MAGI1: variants seen among roughly 807,000 people sequenced by gnomAD.
The protein encoded by MAGI1 is membrane-associated guanylate kinase, WW and PDZ domain-containing protein 1.
In MAGI1, 58 loss-of-function variants were observed where a neutral mutation model predicts 139.9. The ratio of observed to expected loss-of-function variants is 0.41; its 90% CI spans 0.34 to 0.52. MAGI1 has a LOEUF of 0.52. Ranked by LOEUF, MAGI1 falls within the 20% of genes least tolerant of loss-of-function variation. MAGI1 has a pLI of 0.12. For synonymous variants in MAGI1, 812 were observed against 737.9 expected (o/e 1.10, Z -1.63); for missense variants, 1,874 against 1,901.6 (o/e 0.99, Z 0.27).
At chr3:65,755,738 TA>T (rs998933950) in intron 1 of MAGI1, among the ~76,000 whole-genome samples, 2 of 151,996 alleles carry the variant, frequency 1.3e-5, no homozygotes, top group Non-Finnish European at 2.9e-5. Flanking sequence ...TGAGTAAGCC[TA>T]AAAAAAATTC....
At chr3:66,006,974 G>A (rs1459944037) in intron 1 of MAGI1, among the ~76,000 whole-genome samples, 1 of 151,776 alleles carries the variant, frequency 6.6e-6, no homozygotes, top group African/African-American at 2.4e-5. Context: ...AGAACTACAG[G>A]TGCATGTCAC....
intron 1 of MAGI1, among the ~76,000 whole-genome samples, chr3:65,730,206 AT>A (rs151234017): frequency 0.14 from 21,148 of 152,194 alleles, 1,674 homozygotes; most frequent in Non-Finnish European, 0.18. Flanking sequence ...GAATCTTTGC[AT>A]TAAGAGTAGC....
intron 1 of MAGI1, among the ~76,000 whole-genome samples, chr3:65,660,788 T>C (rs2086148824): frequency 6.6e-6 from 1 of 152,228 alleles, no homozygotes; most frequent in South Asian, 2.1e-4. Context: ...CCATCATCTC[T>C]ATGGGAGGCC....
At chr3:65,363,905 C>T (rs1195475491) in intron 20 of MAGI1, among the ~76,000 whole-genome samples, 2 of 152,138 alleles carry the variant, frequency 1.3e-5, no homozygotes, top group East Asian at 1.9e-4. Context: ...TACCAGCCAC[C>T]TGGCTGCTGG....
chr3:65,840,979 A>G (rs2058783622), intron 1 of MAGI1, among the ~76,000 whole-genome samples: 1 of 152,186 alleles, frequency 6.6e-6, no homozygotes, highest in African/African-American at 2.4e-5. Flanking sequence ...AGCTATTCAA[A>G]TTATCCATTT....
intron 1 of MAGI1, among the ~76,000 whole-genome samples, chr3:65,965,726 T>C (rs1031206820): frequency 2.0e-5 from 3 of 152,056 alleles, no homozygotes; most frequent in Non-Finnish European, 4.4e-5. Flanking sequence ...TCGCCCAGCC[T>C]GGAGTGCAGT....
intron 1 of MAGI1, among the ~76,000 whole-genome samples, chr3:65,682,701 A>G (rs1436719278): frequency 2.6e-5 from 4 of 152,198 alleles, no homozygotes; most frequent in Non-Finnish European, 5.9e-5. Context: ...GTTACTAGGC[A>G]TGACACCAAA....
chr3:65,940,302 T>C (rs1477982975), intron 1 of MAGI1, among the ~76,000 whole-genome samples: 1 of 152,228 alleles, frequency 6.6e-6, no homozygotes, highest in East Asian at 1.9e-4. Flanking sequence ...CATGTTGCTA[T>C]AACGAAATAT....
At chr3:65,903,493 A>G (rs2061320841) in intron 1 of MAGI1, among the ~76,000 whole-genome samples, 1 of 152,146 alleles carries the variant, frequency 6.6e-6, no homozygotes, top group African/African-American at 2.4e-5. Flanking sequence ...CTGACACACA[A>G]AGAGCACTCA....
intron 1 of MAGI1, among the ~76,000 whole-genome samples, chr3:65,711,942 G>C (rs751207888): frequency 6.6e-5 from 10 of 152,054 alleles, no homozygotes; most frequent in Non-Finnish European, 1.0e-4. Flanking sequence ...ATCTCCTTCA[G>C]AACCCTTACC....
At chr3:65,860,931 C>T (rs1323041629) in intron 1 of MAGI1, among the ~76,000 whole-genome samples, 1 of 152,078 alleles carries the variant, frequency 6.6e-6, no homozygotes, top group Non-Finnish European at 1.5e-5. Context: ...AATACCATTT[C>T]AAAGTAACAA....
chr3:65,508,144 C>A (rs539794516), intron 2 of MAGI1, among the ~76,000 whole-genome samples: 14 of 152,210 alleles, frequency 9.2e-5, no homozygotes, highest in Non-Finnish European at 1.3e-4. Context: ...TGGCTCACGC[C>A]TGTAATCCCA....
chr3:65,918,390 T>TTTC (rs2062010757), intron 1 of MAGI1, among the ~76,000 whole-genome samples: 1 of 150,162 alleles, frequency 6.7e-6, no homozygotes, highest in Non-Finnish European at 1.5e-5. Context: ...TTTTTTTTTT[T>TTTC]TTTTTTTGTG....
At chr3:65,629,362 T>C (rs1343462655) in intron 1 of MAGI1, among the ~76,000 whole-genome samples, 2 of 152,216 alleles carry the variant, frequency 1.3e-5, no homozygotes, top group African/African-American at 4.8e-5. Context: ...TGGTATTTCA[T>C]TACAATTAGA....
At chr3:65,869,882 A>G (rs2059878299) in intron 1 of MAGI1, among the ~76,000 whole-genome samples, 1 of 152,146 alleles carries the variant, frequency 6.6e-6, no homozygotes, top group Admixed American at 6.5e-5. Flanking sequence ...ATGAGAAGGC[A>G]AGAGACACAT....
chr3:65,494,508 G>A (rs1374171360), intron 2 of MAGI1, among the ~76,000 whole-genome samples: 1 of 152,028 alleles, frequency 6.6e-6, no homozygotes, highest in East Asian at 1.9e-4. Flanking sequence ...TATGTACCCT[G>A]TATTAGGAGC....
chr3:65,644,416 CAA>C (rs750068803), intron 1 of MAGI1, among the ~76,000 whole-genome samples: 8 of 102,838 alleles, frequency 7.8e-5, no homozygotes, highest in Admixed American at 2.1e-4. Context: ...AACCTCAGCC[CAA>C]AAAAAAAAAA....
intron 1 of MAGI1, among the ~76,000 whole-genome samples, chr3:65,891,268 C>T (rs916784282): frequency 2.6e-5 from 4 of 151,378 alleles, no homozygotes; most frequent in Admixed American, 1.3e-4. Flanking sequence ...AAAAACTATT[C>T]TAATGGGTTT....
At chr3:65,618,514 G>A (rs1322847437) in intron 2 of MAGI1, among the ~76,000 whole-genome samples, 1 of 151,982 alleles carries the variant, frequency 6.6e-6, no homozygotes, top group Non-Finnish European at 1.5e-5. Flanking sequence ...AAACCCACCA[G>A]ATAAAACGTC....
Sources: gnomAD v4.1 joint callset for allele counts (sites outside exome capture counted in the v4.1 genomes callset) on GRCh38, gnomAD v4.1.1 for gene constraint, MANE v1.5 for transcripts, NCBI Gene and HGNC (gene_info 2026-07-23, HGNC 2026-07-21) for gene names.